Variants in CTNNA2 observed in about 807,000 individuals in gnomAD.
CTNNA2 encodes catenin alpha-2.
CTNNA2 carries 42 observed loss-of-function variants against 101.0 expected under a neutral mutation model. The ratio of observed to expected loss-of-function variants is 0.42; its 90% CI spans 0.32 to 0.54. The LOEUF is 0.54. CTNNA2 is among the 20% of genes least tolerant of loss of function. The pLI is 0.14. For synonymous variants in CTNNA2, 450 were observed against 456.4 expected, an observed-to-expected ratio of 0.99 and a Z score of 0.18; for missense variants, 871 against 1,223.1, an observed-to-expected ratio of 0.71 and a Z score of 4.29.
intron 7 of CTNNA2, among the ~76,000 whole-genome samples, chr2:80,086,416 G>A (rs1294062355): frequency 6.6e-6 from 1 of 152,052 alleles, no homozygotes; most frequent in Non-Finnish European, 1.5e-5. Flanking sequence ...GCAAACTAAT[G>A]AGATGGTAAA....
At chr2:80,401,704 ATC>A (rs776407671) in intron 8 of CTNNA2, among the ~76,000 whole-genome samples, 4 of 151,736 alleles carry the variant, frequency 2.6e-5, no homozygotes, top group African/African-American at 4.8e-5. Context: ...CTCTTCTGCA[ATC>A]TCCTTGGCCT....
At chr2:80,202,571 C>G (rs1707272736) in intron 7 of CTNNA2, among the ~76,000 whole-genome samples, 1 of 152,050 alleles carries the variant, frequency 6.6e-6, no homozygotes, top group Non-Finnish European at 1.5e-5. Context: ...CCTTTCATCT[C>G]TTTTACACAA....
Position 79,530,216 on chromosome 2 carries a change from T to C in CTNNA2, c.-6+17009T>C, listed in dbSNP as rs1401321929. Among the ~76,000 whole-genome samples the C allele has an allele frequency of 3.9e-5, 6 of 152,278 alleles. No individual in the cohort carries two copies. The East Asian group carries it at 1.2e-3, about 29-fold the overall frequency. ...ATTGGCGTGGGTAACATTTTACAAATGAAGCTTGCTAAGCTAAACTGTAAC... is the reference window on the plus strand; with the variant it reads ...ATTGGCGTGGGTAACATTTTACAAACGAAGCTTGCTAAGCTAAACTGTAAC... On this transcript the variant is annotated intron_variant, in intron 1 of 18. Transcript: ENST00000402739.
chr2:80,202,748 A>G (rs1422851974), intron 7 of CTNNA2, among the ~76,000 whole-genome samples: 1 of 152,004 alleles, frequency 6.6e-6, no homozygotes, highest in Admixed American at 6.5e-5. Flanking sequence ...AAAAAGAAAA[A>G]GACAAAGCTA....
intron 4 of CTNNA2, among the ~76,000 whole-genome samples, chr2:79,484,567 T>C (rs1019931129): frequency 1.3e-5 from 2 of 152,126 alleles, no homozygotes; most frequent in Admixed American, 6.6e-5. Flanking sequence ...TCTCTAAGGG[T>C]ATTAGCTAGA....
intron 7 of CTNNA2, among the ~76,000 whole-genome samples, chr2:80,103,873 T>C (rs1054381029): frequency 6.6e-6 from 1 of 152,184 alleles, no homozygotes; most frequent in Non-Finnish European, 1.5e-5. Flanking sequence ...TAGCTGGGAT[T>C]ACAGGCGCCT....
intron 12 of CTNNA2, among the ~76,000 whole-genome samples, chr2:80,572,304 G>C (rs1694667576): frequency 6.6e-6 from 1 of 152,162 alleles, no homozygotes; most frequent in Admixed American, 6.5e-5. Flanking sequence ...TGTGAACTGA[G>C]TGTACTAATT....
At chr2:80,027,379 C>G (rs1367345431) in intron 7 of CTNNA2, among the ~76,000 whole-genome samples, 2 of 152,154 alleles carry the variant, frequency 1.3e-5, no homozygotes, top group Non-Finnish European at 2.9e-5. Flanking sequence ...GGTGGCCAGC[C>G]CACATGGGGC....
At chr2:79,393,507 T>G (rs1288906757) in intron 4 of CTNNA2, among the ~76,000 whole-genome samples, 2 of 151,030 alleles carry the variant, frequency 1.3e-5, no homozygotes, top group Admixed American at 1.3e-4. Context: ...CCACAAAGTC[T>G]AAAATATTTA....
At chr2:80,065,730 A>T (rs923335584) in intron 7 of CTNNA2, among the ~76,000 whole-genome samples, 1 of 152,180 alleles carries the variant, frequency 6.6e-6, no homozygotes, top group Admixed American at 6.5e-5. Context: ...GTTGTTGTAG[A>T]TTTAAATAAA....
intron 7 of CTNNA2, among the ~76,000 whole-genome samples, chr2:80,026,186 G>A (rs1382259286): frequency 6.6e-6 from 1 of 152,186 alleles, no homozygotes; most frequent in Non-Finnish European, 1.5e-5. Context: ...GAAAGCAAGT[G>A]CAAAGACTTC....
At chr2:80,530,348 A>C (rs1171119742) in intron 9 of CTNNA2, among the ~76,000 whole-genome samples, 57 of 152,160 alleles carry the variant, frequency 3.7e-4, no homozygotes, top group Non-Finnish European at 4.4e-5. Flanking sequence ...GTGGCCCATA[A>C]AAGGAAGAGT....
chr2:79,961,794 C>A (rs975246647), intron 7 of CTNNA2, among the ~76,000 whole-genome samples: 8 of 142,740 alleles, frequency 5.6e-5, no homozygotes, highest in African/African-American at 2.1e-4. Flanking sequence ...TGCACTCCAG[C>A]CTGGGTGACA....
intron 7 of CTNNA2, among the ~76,000 whole-genome samples, chr2:79,932,254 T>C (rs1442495571): frequency 3.3e-5 from 5 of 152,186 alleles, no homozygotes; most frequent in Admixed American, 1.3e-4. Context: ...AACAATGCTT[T>C]ATTATAGTTA....
chr2:79,250,849 A>G (rs1674762094), intron 2 of CTNNA2, among the ~76,000 whole-genome samples: 1 of 151,820 alleles, frequency 6.6e-6, no homozygotes, highest in South Asian at 2.1e-4. Context: ...GGCTCAACTC[A>G]CCCTCGCTTG....
intron 9 of CTNNA2, among the ~76,000 whole-genome samples, chr2:80,438,277 T>C (rs6734655): frequency 0.037 from 5,615 of 152,226 alleles, 335 homozygotes; most frequent in African/African-American, 0.12. Context: ...CCCATCCTCA[T>C]AGCTCCTTTG....
At chr2:79,533,553 T>C (rs965464596) in intron 1 of CTNNA2, among the ~76,000 whole-genome samples, 1 of 152,086 alleles carries the variant, frequency 6.6e-6, no homozygotes, top group African/African-American at 2.4e-5. Flanking sequence ...CTAGAGTATA[T>C]TAAATAATAT....
At chr2:80,043,077 TTCTTTCTTTCTTTCTTTCTCTCTCTC>T (rs1461335043) in intron 7 of CTNNA2, among the ~76,000 whole-genome samples, 7 of 52,886 alleles carry the variant, frequency 1.3e-4, no homozygotes, top group African/African-American at 1.8e-4. Flanking sequence ...CTTTCTTTCT[TTCTTTCTTTCTTTCTTTCTCTCTCTC>T]TCTCTCTCTT....
chr2:79,578,461 A>G (rs879373268), intron 1 of CTNNA2, among the ~76,000 whole-genome samples: 4 of 152,134 alleles, frequency 2.6e-5, no homozygotes, highest in Non-Finnish European at 5.9e-5. Context: ...GGAATAGTTT[A>G]TAATCTTAAA....
Sources: gnomAD v4.1 joint callset for allele counts (sites outside exome capture counted in the v4.1 genomes callset) on GRCh38, gnomAD v4.1.1 for gene constraint, MANE v1.5 for transcripts, NCBI Gene and HGNC (gene_info 2026-07-23, HGNC 2026-07-21) for gene names.